Variants in CTNNA3 observed in about 807,000 individuals in gnomAD.
CTNNA3 encodes the protein catenin alpha 3.
Under a neutral mutation model 95.7 loss-of-function variants are expected in CTNNA3, and 76 were observed. That is an observed-to-expected ratio of 0.79 (90% confidence interval 0.66 to 0.96). The LOEUF is 0.96. CTNNA3 is among the 40% of genes least tolerant of loss of function. The probability of loss-of-function intolerance (pLI) is 0.00; values close to 1 mark genes in which losing one functional copy is unlikely to be tolerated. For synonymous variants in CTNNA3, 431 were observed against 374.4 expected, an observed-to-expected ratio of 1.15 and a Z score of -1.74; for missense variants, 1,191 against 1,089.8, an observed-to-expected ratio of 1.09 and a Z score of -1.31.
chr10:67,357,708 C>T (rs1842861494), intron 5 of CTNNA3, among the ~76,000 whole-genome samples: 1 of 151,822 alleles, frequency 6.6e-6, no homozygotes, highest in African/African-American at 2.4e-5. Flanking sequence ...GTAGCTGACC[C>T]CAAAGTTCTT....
intron 10 of CTNNA3, among the ~76,000 whole-genome samples, chr10:66,584,125 A>G (rs1225836186): frequency 1.3e-5 from 2 of 151,860 alleles, no homozygotes; most frequent in Non-Finnish European, 2.9e-5. Context: ...AGAATCTTCC[A>G]TGTGCTGATG....
At chr10:66,407,076 C>T (rs991015001) in intron 11 of CTNNA3, among the ~76,000 whole-genome samples, 48 of 152,094 alleles carry the variant, frequency 3.2e-4, no homozygotes, top group African/African-American at 1.2e-3. Flanking sequence ...CTCCGACTTT[C>T]CAAGAATATC....
intron 9 of CTNNA3, among the ~76,000 whole-genome samples, chr10:66,695,918 G>GC (rs111611902): frequency 7.7e-5 from 11 of 142,010 alleles, no homozygotes; most frequent in Middle Eastern, 3.6e-3. Flanking sequence ...GAGACGTAAG[G>GC]GGGGGGGGCA....
intron 5 of CTNNA3, among the ~76,000 whole-genome samples, chr10:67,276,826 C>T (rs1288809979): frequency 3.3e-5 from 5 of 151,728 alleles, no homozygotes; most frequent in Non-Finnish European, 7.4e-5. Context: ...GATAATGTTA[C>T]AAATATTCTA....
chr10:66,749,041 T>C (rs1169221071), intron 9 of CTNNA3, among the ~76,000 whole-genome samples: 1 of 149,198 alleles, frequency 6.7e-6, no homozygotes, highest in Non-Finnish European at 1.5e-5. Context: ...TAGCCAGCCA[T>C]GTTGGCAGGT....
chr10:66,331,416 C>T (rs1247360024), intron 12 of CTNNA3, among the ~76,000 whole-genome samples: 17 of 127,386 alleles, frequency 1.3e-4, no homozygotes, highest in South Asian at 7.7e-4. Flanking sequence ...TGCAGTGGCG[C>T]GATCTCGACT....
At chr10:66,250,709 A>C (rs1422424966) in intron 13 of CTNNA3, among the ~76,000 whole-genome samples, 2 of 152,154 alleles carry the variant, frequency 1.3e-5, no homozygotes, top group African/African-American at 2.4e-5. Flanking sequence ...TAGCTACTCA[A>C]CTACTCTTTG....
chr10:67,519,834 T>C (rs1218286361), intron 5 of CTNNA3, among the ~76,000 whole-genome samples: 2 of 152,192 alleles, frequency 1.3e-5, no homozygotes, highest in African/African-American at 2.4e-5. Flanking sequence ...TCTTTTCCAT[T>C]AGAAGAAAAA....
chr10:67,026,651 G>C (rs1853407070), intron 7 of CTNNA3, among the ~76,000 whole-genome samples: 1 of 152,090 alleles, frequency 6.6e-6, no homozygotes, highest in East Asian at 1.9e-4. Context: ...CTTAAACCCT[G>C]GGAGGAAACC....
chr10:66,622,328 C>G lies in CTNNA3; in HGVS notation c.1282-544G>C, dbSNP rs75312012. The stretch of plus-strand genomic sequence containing the variant: ...ATTTTCCACTACAACTTCATGGGCA[C>G]TGTTTGACATTCCTGCAGTGCATTT... On this transcript the variant is annotated intron_variant, in intron 9 of 17. Coordinates refer to ENST00000433211, the MANE Select transcript of CTNNA3 (RefSeq NM_013266.4). Among the ~76,000 whole-genome samples, 4 of 152,268 alleles carry G rather than the reference C, an allele frequency of 2.6e-5. No individual in the cohort carries two copies. In the East Asian group the frequency reaches 7.7e-4, roughly 29 times the overall value.
intron 1 of CTNNA3, among the ~76,000 whole-genome samples, chr10:67,738,787 T>C (rs1466182231): frequency 1.3e-5 from 2 of 151,460 alleles, no homozygotes; most frequent in Non-Finnish European, 2.9e-5. Flanking sequence ...AAGAACTACA[T>C]AACGAATGCA....
chr10:66,396,113 G>C (rs1391102291), intron 11 of CTNNA3, among the ~76,000 whole-genome samples: 1 of 151,792 alleles, frequency 6.6e-6, no homozygotes, highest in African/African-American at 2.4e-5. Flanking sequence ...AAAAATATAT[G>C]ATTTCATTCT....
intron 13 of CTNNA3, among the ~76,000 whole-genome samples, chr10:66,179,939 G>C (rs1430875894): frequency 6.6e-6 from 1 of 152,108 alleles, no homozygotes; most frequent in Non-Finnish European, 1.5e-5. Flanking sequence ...TTTGAATAAA[G>C]AGTATGGGTT....
intron 1 of CTNNA3, among the ~76,000 whole-genome samples, chr10:67,728,731 CTG>C: frequency 6.6e-6 from 1 of 151,532 alleles, no homozygotes; most frequent in East Asian, 1.9e-4. Flanking sequence ...AATATATTAT[CTG>C]TAATTATTAA....
At chr10:67,228,689 T>C (rs1865049231) in intron 5 of CTNNA3, among the ~76,000 whole-genome samples, 1 of 152,042 alleles carries the variant, frequency 6.6e-6, no homozygotes, top group African/African-American at 2.4e-5. Context: ...AAGGCTACTG[T>C]GAACACCTTT....
chr10:66,661,031 G>A (rs547185101), intron 9 of CTNNA3, among the ~76,000 whole-genome samples: 19 of 152,086 alleles, frequency 1.2e-4, no homozygotes, highest in South Asian at 4.1e-4. Context: ...ACAGTGCCTC[G>A]TACATAGTAA....
At chr10:67,532,630 A>G (rs1171524122) in intron 4 of CTNNA3, among the ~76,000 whole-genome samples, 1 of 152,202 alleles carries the variant, frequency 6.6e-6, no homozygotes, top group Non-Finnish European at 1.5e-5. Flanking sequence ...CTCAATAGTC[A>G]AATTTCCCTT....
At chr10:66,030,215 A>T (rs1564589752) in intron 15 of CTNNA3, among the ~76,000 whole-genome samples, 1 of 152,322 alleles carries the variant, frequency 6.6e-6, no homozygotes, top group South Asian at 2.1e-4. Context: ...ATTACAAAAA[A>T]ACTGTTCTAA....
intron 15 of CTNNA3, among the ~76,000 whole-genome samples, chr10:66,051,563 AC>A (rs1201696600): frequency 1.3e-5 from 2 of 152,340 alleles, no homozygotes; most frequent in East Asian, 3.9e-4. Flanking sequence ...AACTTCAAAA[AC>A]ATTTAGTGAT....
Sources: gnomAD v4.1 joint callset for allele counts (sites outside exome capture counted in the v4.1 genomes callset) on GRCh38, gnomAD v4.1.1 for gene constraint, MANE v1.5 for transcripts, NCBI Gene and HGNC (gene_info 2026-07-23, HGNC 2026-07-21) for gene names.